Variants in NR4A3 observed in about 807,000 individuals in gnomAD.
The protein encoded by NR4A3 is nuclear receptor subfamily 4 group A member 3.
Under a neutral mutation model 55.6 loss-of-function variants are expected in NR4A3, and 13 were observed. The ratio of observed to expected loss-of-function variants is 0.23; its 90% CI spans 0.15 to 0.37. The LOEUF is 0.37. NR4A3 is among the 10% of genes least tolerant of loss of function. NR4A3 has a pLI of 1.00. For missense variants in NR4A3, 646 were observed against 822.8 expected, an observed-to-expected ratio of 0.79 and a Z score of 2.63; for synonymous variants, 342 against 357.9, an observed-to-expected ratio of 0.96 and a Z score of 0.50.
At chr9:99,846,089 C>T (rs1474936690) in intron 6 of NR4A3, among the ~76,000 whole-genome samples, 1 of 152,196 alleles carries the variant, frequency 6.6e-6, no homozygotes, top group African/African-American at 2.4e-5. Flanking sequence ...TCAGTAGACA[C>T]TTGGCTGAGT....
chr9:99,842,647 T>C (rs1827674302), intron 5 of NR4A3, among the ~76,000 whole-genome samples: 1 of 152,044 alleles, frequency 6.6e-6, no homozygotes, highest in African/African-American at 2.4e-5. Context: ...ACGGAATCGC[T>C]TGAACCCAGG....
rs1417612582 is a variant in NR4A3 at position 99,822,975 on chromosome 9, AAG to A, written c.-177+571_-177+572del. Among the ~76,000 whole-genome samples the A allele has an allele frequency of 1.3e-5, 2 of 152,192 alleles. No homozygotes were observed. The highest frequency in any genetic ancestry group is 6.5e-5 in the Admixed American group (1 of 15,280). On this transcript the variant is annotated intron_variant, in intron 1 of 7. Transcript: ENST00000395097. The surrounding 1 kb of genome is among the most constrained non-coding windows in gnomAD (Gnocchi z 4.9). Reference sequence around the variant, plus strand: ...CAGACGCACTCGGAGGACCTCAGGAAAGAGGGCGTAATTGTAGGAATGTGGCT... The same window carrying A: ...CAGACGCACTCGGAGGACCTCAGGAAAGGGCGTAATTGTAGGAATGTGGCT...
intron 1 of NR4A3, among the ~76,000 whole-genome samples, chr9:99,824,365 C>T (rs1202261969): frequency 6.6e-6 from 1 of 152,216 alleles, no homozygotes; most frequent in Non-Finnish European, 1.5e-5. Context: ...AATGCGGGCA[C>T]CCACTGAAGG....
At chr9:99,824,594 C>T (rs1222069055) in intron 1 of NR4A3, among the ~76,000 whole-genome samples, 1 of 152,220 alleles carries the variant, frequency 6.6e-6, no homozygotes, top group Non-Finnish European at 1.5e-5. Flanking sequence ...TTCTCTCTTC[C>T]TGCAGGCAAG....
Position 99,828,340 on chromosome 9 carries a change from C to G in NR4A3, c.298C>G (p.His100Asp). The G allele has an allele frequency of 6.2e-7, 1 of 1,600,610 alleles. No individual in the cohort carries two copies. Among genetic ancestry groups the G allele is most frequent in the Middle Eastern group, 1.7e-4 (1 of 6,014 alleles). ...GCCCAGCTACCATCACCATCACCAC[C>G]ACCACCACCACCACCACCACCATCA... ...RAPSYHHHHH[H>D]HHHHHHHHQQ... Residue 100 changes from histidine (H) to aspartate (D), a missense_variant, in exon 3 of 8, where the codon CAC becomes GAC. Physicochemically the swap from His to Asp is moderately conservative, Grantham distance 81. Around this residue, in one of 5 missense-constraint regions of NR4A3, gnomAD observed 426 missense variants for 429.4 expected, o/e 0.99. Transcript: ENST00000395097. The surrounding 1 kb of genome is among the most constrained non-coding windows in gnomAD (Gnocchi z 7.7).
intron 5 of NR4A3, among the ~76,000 whole-genome samples, chr9:99,843,611 G>A (rs2118577919): frequency 6.6e-6 from 1 of 152,200 alleles, no homozygotes; most frequent in Non-Finnish European, 1.5e-5. Flanking sequence ...TTGAGTCTAG[G>A]AAATCAAGAC....
chr9:99,863,314 C>G (rs569427282), intron 7 of NR4A3, among the ~76,000 whole-genome samples: 1 of 152,202 alleles, frequency 6.6e-6, no homozygotes, highest in Non-Finnish European at 1.5e-5. Context: ...TGTTACTTAC[C>G]TAAGCTGGCC....
At chr9:99,859,017 C>T (rs1827970300) in intron 7 of NR4A3, among the ~76,000 whole-genome samples, 1 of 152,156 alleles carries the variant, frequency 6.6e-6, no homozygotes, top group Non-Finnish European at 1.5e-5. Flanking sequence ...TCTATATATA[C>T]AATGATTATG....
At chr9:99,851,808 T>A (rs1827855003) in intron 7 of NR4A3, among the ~76,000 whole-genome samples, 1 of 152,226 alleles carries the variant, frequency 6.6e-6, no homozygotes, top group African/African-American at 2.4e-5. Context: ...TGATATCTGG[T>A]TGCAGTTAAT....
chr9:99,842,107 G>A (rs1433396682), intron 5 of NR4A3, among the ~76,000 whole-genome samples: 1 of 121,610 alleles, frequency 8.2e-6, no homozygotes, highest in Non-Finnish European at 1.8e-5. Flanking sequence ...TGGACTCTCT[G>A]ATTTTTTTTT....
Position 99,822,981 on chromosome 9 carries a change from G to T in NR4A3, c.-177+574G>T, listed in dbSNP as rs934740037. Among the ~76,000 whole-genome samples, 2 of 152,208 alleles carry T rather than the reference G, an allele frequency of 1.3e-5. No individual in the cohort carries two copies. Among genetic ancestry groups the T allele is most frequent in the Non-Finnish European group, 2.9e-5 (2 of 68,046 alleles). On this transcript the variant is annotated intron_variant, in intron 1 of 7. Coordinates refer to ENST00000395097, the MANE Select transcript of NR4A3 (RefSeq NM_006981.4). This position sits in a 1 kb window ranked among gnomAD's most constrained non-coding sequence, Gnocchi z 4.9. ...CACTCGGAGGACCTCAGGAAAGAGG[G>T]CGTAATTGTAGGAATGTGGCTTATT...
chr9:99,863,722 C>T lies in NR4A3; in HGVS notation c.1736C>T (p.Thr579Ile), dbSNP rs756285007. Reference protein sequence around the residue: ...HQSKGQALEPTESKVLGALVE... With the variant: ...HQSKGQALEPIESKVLGALVE... ...AGTAAGGGACAGGCTCTGGAGCCCA[C>T]CGAGTCCAAGGTCCTGGGTGCCCTG... The change falls in exon 8 of 8, where the codon ACC becomes ATC. Residue 579 changes from threonine to isoleucine, a missense_variant. Thr to Ile is a moderately conservative substitution (Grantham distance 89). Coordinates refer to ENST00000395097, the MANE Select transcript of NR4A3 (RefSeq NM_006981.4). 59 of 1,613,904 alleles carry T rather than the reference C, an allele frequency of 3.7e-5. No individual in the cohort carries two copies. Among genetic ancestry groups the T allele is most frequent in the Non-Finnish European group, 4.8e-5 (57 of 1,179,982 alleles).
At chr9:99,826,372 G>C (rs1006342218) in intron 2 of NR4A3, among the ~76,000 whole-genome samples, 1 of 152,190 alleles carries the variant, frequency 6.6e-6, no homozygotes, top group Admixed American at 6.5e-5. Flanking sequence ...AGGAATACTA[G>C]GTGCCAAGCC....
At chr9:99,861,143 A>G (rs1439514342) in intron 7 of NR4A3, among the ~76,000 whole-genome samples, 7 of 152,214 alleles carry the variant, frequency 4.6e-5, no homozygotes. Flanking sequence ...TCTTTATAGC[A>G]TATTGCATTG....
chr9:99,843,188 C>G (rs1827684324), intron 5 of NR4A3, among the ~76,000 whole-genome samples: 2 of 152,212 alleles, frequency 1.3e-5, no homozygotes, highest in African/African-American at 2.4e-5. Context: ...TCTTCGGACT[C>G]TCTAGATCCA....
At chr9:99,837,118 G>A (rs138824658) in intron 5 of NR4A3, among the ~76,000 whole-genome samples, 2,157 of 152,146 alleles carry the variant, frequency 0.014, 34 homozygotes, top group Non-Finnish European at 0.019. Context: ...CGGATGGATA[G>A]TTTGCAAAAT....
At chr9:99,840,886 A>C (rs1271924254) in intron 5 of NR4A3, among the ~76,000 whole-genome samples, 2 of 152,144 alleles carry the variant, frequency 1.3e-5, no homozygotes, top group African/African-American at 4.8e-5. Flanking sequence ...AAATAAGGAG[A>C]AAATAAAAAA....
chr9:99,830,959 A>G (rs1200937920), intron 3 of NR4A3, among the ~76,000 whole-genome samples: 3 of 152,080 alleles, frequency 2.0e-5, no homozygotes, highest in African/African-American at 7.2e-5. Context: ...ACAAATCTAT[A>G]CTTGAAAGGG....
At position 99,866,491 on chromosome 9, in the gene NR4A3, A is replaced by G. The variant is rs1372159516; in HGVS notation, c.*2624A>G. The G allele has an allele frequency of 4.4e-6, 1 of 228,170 alleles. No homozygotes were observed. Among genetic ancestry groups the G allele is most frequent in the Non-Finnish European group, 8.7e-6 (1 of 114,724 alleles). 14.1% of individuals were successfully genotyped at this position (228,170 alleles called of 1,614,324 possible). A position where few individuals can be genotyped will look rare whatever the true frequency, so the allele number is the denominator to read the frequency against. The stretch of plus-strand genomic sequence containing the variant: ...GAGTGCTAAAAATAAAGATGATAGC[A>G]TGTTCTTCTGTCTTCCATAGTTATT... On this transcript the variant is annotated 3_prime_UTR_variant, in exon 8 of 8. Transcript: ENST00000395097.
Sources: gnomAD v4.1 joint callset for allele counts (sites outside exome capture counted in the v4.1 genomes callset) on GRCh38, gnomAD v4.1.1 for gene constraint, gnomAD v4.1.1 regional missense constraint, Gnocchi (gnomAD v3.1) non-coding constraint, MANE v1.5 for transcripts, NCBI Gene and HGNC (gene_info 2026-07-23, HGNC 2026-07-21) for gene names.